NCKAP1L: variants seen among roughly 807,000 people sequenced by gnomAD.
NCKAP1L encodes the protein nck-associated protein 1-like.
NCKAP1L carries 53 observed loss-of-function variants against 139.2 expected under a neutral mutation model. The observed-to-expected ratio is 0.38, with a 90% CI of 0.31 to 0.48. The LOEUF is 0.48. Ranked by LOEUF, NCKAP1L falls within the 20% of genes least tolerant of loss-of-function variation. NCKAP1L has a pLI of 0.98. For missense variants in NCKAP1L, 1,151 were observed against 1,381.9 expected, an observed-to-expected ratio of 0.83 and a Z score of 2.65; for synonymous variants, 468 against 499.7, an observed-to-expected ratio of 0.94 and a Z score of 0.85.
In NCKAP1L at chr12:54,516,997, G is replaced by C. The variant is rs764522715; in HGVS notation, c.1095+5G>C. The C allele has an allele frequency of 6.2e-7, 1 of 1,609,846 alleles. No homozygotes were observed. The highest frequency in any genetic ancestry group is 8.5e-7 in the Non-Finnish European group (1 of 1,176,928). On this transcript the variant is annotated splice_donor_5th_base_variant and intron_variant, in intron 11 of 30. Coordinates refer to ENST00000293373, the MANE Select transcript of NCKAP1L (RefSeq NM_005337.5). ...CCGGGACTACTGGGTCCTAAGGCAAGAGGAAGAAATGTTGGGAGGGGAATG... is the reference window on the plus strand; with the variant it reads ...CCGGGACTACTGGGTCCTAAGGCAACAGGAAGAAATGTTGGGAGGGGAATG...
intron 16 of NCKAP1L, among the ~76,000 whole-genome samples, chr12:54,519,564 C>T (rs1377982494): frequency 1.3e-5 from 2 of 151,682 alleles, no homozygotes; most frequent in Admixed American, 1.3e-4. Flanking sequence ...CCACCAAGCT[C>T]TGAACCAGAG....
At chr12:54,533,688 C>T (rs1957091740) in intron 26 of NCKAP1L, among the ~76,000 whole-genome samples, 1 of 152,082 alleles carries the variant, frequency 6.6e-6, no homozygotes, top group Non-Finnish European at 1.5e-5. Context: ...TGCATCAGCC[C>T]CCCGAGTTCC....
At chr12:54,498,686 T>C in intron 1 of NCKAP1L, 1 of 624,828 alleles carries the variant, frequency 1.6e-6, no homozygotes, top group Non-Finnish European at 2.0e-6. Flanking sequence ...GTGAACAAAA[T>C]TGTGACACTG....
intron 20 of NCKAP1L, 96 bp from the exon 21 acceptor site, chr12:54,526,432 C>A: frequency 1.0e-6 from 1 of 958,798 alleles, no homozygotes; most frequent in Non-Finnish European, 1.6e-6. Context: ...TAGTAAAATC[C>A]TAGCACAGCA....
At chr12:54,523,074 A>G (rs1487710627) in intron 18 of NCKAP1L, among the ~76,000 whole-genome samples, 1 of 152,172 alleles carries the variant, frequency 6.6e-6, no homozygotes, top group Non-Finnish European at 1.5e-5. Flanking sequence ...GGACTTTTAG[A>G]TCTTGTTCTT....
chr12:54,510,633 C>A (rs1046107922), intron 7 of NCKAP1L, among the ~76,000 whole-genome samples: 1 of 152,086 alleles, frequency 6.6e-6, no homozygotes, highest in African/African-American at 2.4e-5. Context: ...CCTCAGCCTC[C>A]CAGGTAGCTG....
chr12:54,502,544 T>A (rs1450441094), intron 3 of NCKAP1L, among the ~76,000 whole-genome samples: 2 of 152,168 alleles, frequency 1.3e-5, no homozygotes, highest in African/African-American at 4.8e-5. Context: ...GTTAGCCTCA[T>A]ACATCATGAC....
At position 54,542,781 on chromosome 12, in the gene NCKAP1L, T is replaced by TG; in HGVS notation, c.*100dup. On this transcript the variant is annotated 3_prime_UTR_variant, in exon 31 of 31. Transcript: ENST00000293373. ...ACTTTCGCAGGGGGTGGGAATGGGGTGGGGTCACTAAGGAGAGAGGGTCAG... is the reference window on the plus strand; with the variant it reads ...ACTTTCGCAGGGGGTGGGAATGGGGTGGGGGTCACTAAGGAGAGAGGGTCAG... 1 of 445,520 alleles carries TG rather than the reference T, an allele frequency of 2.2e-6. No individual in the cohort carries two copies. The highest frequency in any genetic ancestry group is 4.6e-6 in the Non-Finnish European group (1 of 219,034). 27.6% of individuals were successfully genotyped at this position (445,520 alleles called of 1,614,324 possible).
intron 20 of NCKAP1L, among the ~76,000 whole-genome samples, chr12:54,524,766 T>A (rs1957014073): frequency 6.6e-6 from 1 of 151,852 alleles, no homozygotes; most frequent in South Asian, 2.1e-4. Flanking sequence ...ACGTAGTAGA[T>A]TAGATAGTGA....
In NCKAP1L at chr12:54,547,021, G is replaced by C. The variant is rs1957203136; in HGVS notation, c.*4336G>C. ...AAGGATTGTGGGGTTAGGGGAGTGA[G>C]GAGGCAGAGCCTCCTAGGGGTAGGG... On this transcript the variant is annotated 3_prime_UTR_variant, in exon 31 of 31. Transcript: ENST00000293373. 6.6e-6 allele frequency: 1 copy of C among 152,292 alleles called. No homozygotes were observed. Among genetic ancestry groups the C allele is most frequent in the Admixed American group, 6.5e-5 (1 of 15,296 alleles). 9.4% of individuals were successfully genotyped at this position (152,292 alleles called of 1,614,324 possible).
Position 54,507,870 on chromosome 12 carries a change from T to C in NCKAP1L, c.324T>C (p.Leu108=). ...ACCCCCAGGATCATGTATATGAACT[T>C]CTCAACACCATTGATGCCTGCCAGT... The part of the protein sequence containing the change: ...VMEFRDHVYE[L]LNTIDACQCH... The change falls in exon 4 of 31, where the codon CTT becomes CTC. Residue 108 remains leucine (L), a synonymous_variant. Transcript: ENST00000293373. 2.5e-6 allele frequency: 4 copies of C among 1,614,060 alleles called. No homozygotes were observed. Among genetic ancestry groups the C allele is most frequent in the Non-Finnish European group, 3.4e-6 (4 of 1,179,934 alleles).
chr12:54,512,922 C>A lies in NCKAP1L; in HGVS notation c.941+817C>A, dbSNP rs373700186. Among the ~76,000 whole-genome samples the A allele has an allele frequency of 6.6e-5, 10 of 152,156 alleles. 1 individual carries two copies. Among genetic ancestry groups the A allele is most frequent in the African/African-American group, 2.2e-4 (9 of 41,504 alleles). ...ATTTTTGAGGCAACAAAGAGCATGG[C>A]AAGTTCTGAGAAGTTCATGTAGTTC... On this transcript the variant is annotated intron_variant, in intron 9 of 30. Coordinates refer to ENST00000293373, the MANE Select transcript of NCKAP1L (RefSeq NM_005337.5).
chr12:54,499,325 G>C, intron 1 of NCKAP1L, 30 bp from the exon 2 acceptor site: 2 of 1,205,838 alleles, frequency 1.7e-6, no homozygotes, highest in Non-Finnish European at 2.5e-6. Flanking sequence ...GAGGAGAAAG[G>C]GTTGAAATAT....
intron 3 of NCKAP1L, among the ~76,000 whole-genome samples, chr12:54,502,034 T>G (rs1956802261): frequency 6.6e-6 from 1 of 152,214 alleles, no homozygotes; most frequent in African/African-American, 2.4e-5. Context: ...TTTATATATC[T>G]TCTTTGAAGA....
At chr12:54,505,240 A>G (rs907859829) in intron 3 of NCKAP1L, among the ~76,000 whole-genome samples, 1 of 152,180 alleles carries the variant, frequency 6.6e-6, no homozygotes, top group Non-Finnish European at 1.5e-5. Context: ...GGGGACAGCT[A>G]CCCTGTCTGG....
chr12:54,540,473 G>A (rs764477522), intron 30 of NCKAP1L, among the ~76,000 whole-genome samples: 17 of 152,138 alleles, frequency 1.1e-4, no homozygotes, highest in Non-Finnish European at 2.2e-4. Flanking sequence ...CTATGTGGGG[G>A]CACAATACAT....
Position 54,507,845 on chromosome 12 carries a change from AC to A in NCKAP1L, c.307-3del. ...TTTATTAATTCTTGTCTTCACTTCC[AC>A]CCCCAGGATCATGTATATGAACTTC... On this transcript the variant is annotated splice_region_variant and splice_polypyrimidine_tract_variant and intron_variant, in intron 3 of 30. Transcript: ENST00000293373. 1 of 1,612,844 alleles carries A rather than the reference AC, an allele frequency of 6.2e-7. No individual in the cohort carries two copies. The highest frequency in any genetic ancestry group is 2.2e-5 in the East Asian group (1 of 44,844).
At position 54,537,133 on chromosome 12, in the gene NCKAP1L, G is replaced by A. The variant is rs982888328; in HGVS notation, c.3183+80G>A. The A allele has an allele frequency of 4.9e-5, 46 of 930,720 alleles. No individual in the cohort carries two copies. The Middle Eastern group carries it at 1.1e-3, about 21-fold the overall frequency. 57.7% of individuals were successfully genotyped at this position (930,720 alleles called of 1,614,324 possible). ...TGACTTAAATCTGTAGACAATTATC[G>A]TTGAACAGGCTTTTGAGTCTAACTT... On this transcript the variant is annotated intron_variant, in intron 29 of 30. Coordinates refer to ENST00000293373, the MANE Select transcript of NCKAP1L (RefSeq NM_005337.5).
rs576591312 is a variant in NCKAP1L at position 54,512,262 on chromosome 12, C to T, written c.941+157C>T. 1.4e-5 allele frequency: 10 copies of T among 718,176 alleles called. No individual in the cohort carries two copies. The South Asian group carries it at 1.9e-4, about 13-fold the overall frequency. The allele number at this position is 718,176 out of a possible 1,614,324, so 44.5% of individuals were successfully genotyped here. ...TTAAATACCTACTATTAGCTAAGTG[C>T]TTCACTGGGTTTTAGGGACACAATA... On this transcript the variant is annotated intron_variant, in intron 9 of 30. Coordinates refer to ENST00000293373, the MANE Select transcript of NCKAP1L (RefSeq NM_005337.5).
Sources: gnomAD v4.1 joint callset for allele counts (sites outside exome capture counted in the v4.1 genomes callset) on GRCh38, gnomAD v4.1.1 for gene constraint, MANE v1.5 for transcripts, NCBI Gene and HGNC (gene_info 2026-07-23, HGNC 2026-07-21) for gene names.